GRIN1: variants seen among roughly 807,000 people sequenced by gnomAD.
GRIN1 encodes glutamate ionotropic receptor NMDA type subunit 1.
GRIN1 carries 38 observed loss-of-function variants against 103.0 expected under a neutral mutation model. That is an observed-to-expected ratio of 0.37 (90% CI 0.28 to 0.48). The LOEUF (loss-of-function observed/expected upper bound fraction) is 0.48. Ranked by LOEUF, GRIN1 falls within the 20% of genes least tolerant of loss-of-function variation. The pLI is 0.98. For missense variants in GRIN1, 577 were observed against 1,288.9 expected, an observed-to-expected ratio of 0.45 and a Z score of 8.46; for synonymous variants, 544 against 532.7, an observed-to-expected ratio of 1.02 and a Z score of -0.29.
chr9:137,160,492 C>T (rs1195789081), intron 8 of GRIN1, among the ~76,000 whole-genome samples: 2 of 151,978 alleles, frequency 1.3e-5, no homozygotes, highest in Non-Finnish European at 2.9e-5. Flanking sequence ...TGCAGTGGCG[C>T]GGTCTCCGCT....
Position 137,146,688 on chromosome 9 carries a change from C to T in GRIN1, c.570+786C>T, listed in dbSNP as rs1035468981. On this transcript the variant is annotated intron_variant, in intron 3 of 19. Coordinates refer to ENST00000371561, the MANE Select transcript of GRIN1 (RefSeq NM_007327.4). This position sits in a 1 kb window ranked among gnomAD's most constrained non-coding sequence, Gnocchi z 6.7. Reference sequence around the variant, plus strand: ...GAGCTGGTTCTCGGCTACAGACCCCCGGAGCCCTGGGTGCTCAGCACCTGG... The same window carrying T: ...GAGCTGGTTCTCGGCTACAGACCCCTGGAGCCCTGGGTGCTCAGCACCTGG... Among the ~76,000 whole-genome samples the T allele has an allele frequency of 3.9e-5, 6 of 152,162 alleles. No homozygotes were observed. Among genetic ancestry groups the T allele is most frequent in the East Asian group, 1.9e-4 (1 of 5,190 alleles).
chr9:137,164,159 C>T lies in GRIN1; in HGVS notation c.2589+255C>T, dbSNP rs1833730034. The T allele has an allele frequency of 9.1e-6, 5 of 550,266 alleles. No homozygotes were observed. In the Admixed American group the frequency reaches 1.2e-4, roughly 14 times the overall value. The allele number at this position is 550,266 out of a possible 1,614,324, so 34.1% of individuals were successfully genotyped here. On this transcript the variant is annotated intron_variant, in intron 18 of 19. Coordinates refer to ENST00000371561, the MANE Select transcript of GRIN1 (RefSeq NM_007327.4). Reference sequence around the variant, plus strand: ...CCCTGCTCCAAGCCTCCGCCTGGCCCCTCTGTCTCCAGAGTCGCCCGCCGG... The same window carrying T: ...CCCTGCTCCAAGCCTCCGCCTGGCCTCTCTGTCTCCAGAGTCGCCCGCCGG...
chr9:137,153,574 C>CATCTACGTGT (rs1360333639), intron 4 of GRIN1, among the ~76,000 whole-genome samples: 1 of 151,984 alleles, frequency 6.6e-6, no homozygotes, highest in African/African-American at 2.4e-5. Context: ...TACACACGTG[C>CATCTACGTGT]ATCTACACAT....
At chr9:137,160,907 G>T in intron 8 of GRIN1, 149 bp from the exon 9 acceptor site, 1 of 956,788 alleles carries the variant, frequency 1.0e-6, no homozygotes, top group Non-Finnish European at 1.6e-6. Flanking sequence ...CTCCAGAGAG[G>T]GGCAGTGGCC....
rs1349422878 is a variant in GRIN1, at chr9:137,156,705, G to A, written c.708G>A (p.Ala236=). The A allele has an allele frequency of 6.3e-7, 1 of 1,596,502 alleles. No individual in the cohort carries two copies. Residue 236 remains alanine, a synonymous_variant, in exon 5 of 20, where the codon GCG becomes GCA. Transcript: ENST00000371561. ...CTGCCACTGTATACCGCGCAGCCGC[G>A]ATGCTGAACATGACGGGCTCCGGGT... is the stretch of plus-strand genomic sequence containing the variant. The part of the protein sequence containing the change: ...DDAATVYRAA[A]MLNMTGSGYV...
intron 2 of GRIN1, among the ~76,000 whole-genome samples, chr9:137,142,787 G>A (rs1277378901): frequency 6.6e-6 from 1 of 152,212 alleles, no homozygotes. Flanking sequence ...GGAGAGCAAT[G>A]TCTGTGGTTG....
At chr9:137,166,358 G>C (rs1458049275) in intron 19 of GRIN1, among the ~76,000 whole-genome samples, 2 of 152,228 alleles carry the variant, frequency 1.3e-5, no homozygotes. Flanking sequence ...GCACCATGGT[G>C]GGGAGGGGCT....
chr9:137,144,808 A>G (rs1221781298), intron 2 of GRIN1, among the ~76,000 whole-genome samples: 5 of 5,226 alleles, frequency 9.6e-4, no homozygotes, highest in Non-Finnish European at 1.5e-3. Flanking sequence ...GGGGTGGGAG[A>G]CACGAGGGGG....
chr9:137,145,598 G>C lies in GRIN1; in HGVS notation c.394-128G>C, dbSNP rs561257279. The C allele has an allele frequency of 4.4e-6, 3 of 674,294 alleles. No individual in the cohort carries two copies. The South Asian group carries it at 5.2e-5, about 12-fold the overall frequency. 41.8% of individuals were successfully genotyped at this position (674,294 alleles called of 1,614,324 possible). A position where few individuals can be genotyped will look rare whatever the true frequency, so the allele number is the denominator to read the frequency against. ...CCCAGGGTCTAGAACGTGTCCCCAT[G>C]GGGGTGGGGACAGGGGTGGGAGGAG... is the stretch of plus-strand genomic sequence containing the variant. On this transcript the variant is annotated intron_variant, in intron 2 of 19. Coordinates refer to ENST00000371561, the MANE Select transcript of GRIN1 (RefSeq NM_007327.4).
chr9:137,145,538 GGGTGGTAGGGA>G (rs1832474153), intron 2 of GRIN1, among the ~76,000 whole-genome samples, 177 bp from the exon 3 acceptor site: 2 of 14,452 alleles, frequency 1.4e-4, no homozygotes, highest in East Asian at 8.8e-3. Context: ...AGTGTCCCCA[GGGTGGTAGGGA>G]CGGGGTGGGA....
Position 137,167,998 on chromosome 9 carries a change from G to GC in GRIN1, c.*475dup. 1.4e-6 allele frequency: 1 copy of GC among 729,542 alleles called. No individual in the cohort carries two copies. The highest frequency in any genetic ancestry group is 2.4e-6 in the Non-Finnish European group (1 of 421,282). 45.2% of individuals were successfully genotyped at this position (729,542 alleles called of 1,614,324 possible). On this transcript the variant is annotated 3_prime_UTR_variant, in exon 20 of 20. Coordinates refer to ENST00000371561, the MANE Select transcript of GRIN1 (RefSeq NM_007327.4). ...CGCCCACCCCGCTGCCTGGCGGGCA[G>GC]CCCCTGCTGGACCAAGGTGCGGACC...
intron 4 of GRIN1, among the ~76,000 whole-genome samples, chr9:137,155,921 G>A (rs1324438898): frequency 2.0e-5 from 3 of 152,216 alleles, no homozygotes; most frequent in African/African-American, 2.4e-5. Flanking sequence ...ACTCCAGGGG[G>A]AAAGCCGCCT....
intron 4 of GRIN1, among the ~76,000 whole-genome samples, chr9:137,155,608 G>C (rs1340171456): frequency 6.6e-6 from 1 of 152,232 alleles, no homozygotes; most frequent in African/African-American, 2.4e-5. Flanking sequence ...CAAAGTGTCA[G>C]GGGTAGTCCA....
rs1436985909 is a variant in GRIN1 at position 137,167,766 on chromosome 9, T to C, written c.*239T>C. On this transcript the variant is annotated 3_prime_UTR_variant, in exon 20 of 20. Coordinates refer to ENST00000371561, the MANE Select transcript of GRIN1 (RefSeq NM_007327.4). ...CGGGCGCCTTGTCTGTGTATTTCTATTTTGCAGCAGTACCATCCCACTGAT... is the reference window on the plus strand; with the variant it reads ...CGGGCGCCTTGTCTGTGTATTTCTACTTTGCAGCAGTACCATCCCACTGAT... 6.2e-7 allele frequency: 1 copy of C among 1,611,906 alleles called. No individual in the cohort carries two copies. The highest frequency in any genetic ancestry group is 8.5e-7 in the Non-Finnish European group (1 of 1,179,436).
chr9:137,163,799 C>A lies in GRIN1; in HGVS notation c.2484C>A (p.Ile828=), dbSNP rs1271487216. Residue 828 remains isoleucine (I), a synonymous_variant, in exon 18 of 20, where the codon ATC becomes ATA. Coordinates refer to ENST00000371561, the MANE Select transcript of GRIN1 (RefSeq NM_007327.4). ...MLVAGGIVAG[I]FLIFIEIAYK... is the part of the protein sequence containing the mutation. ...TAGCTGGGGGCATCGTGGCCGGGATCTTCCTGATTTTCATCGAGATTGCCT... is the reference window on the plus strand; with the variant it reads ...TAGCTGGGGGCATCGTGGCCGGGATATTCCTGATTTTCATCGAGATTGCCT... 1 of 1,613,612 alleles carries A rather than the reference C, an allele frequency of 6.2e-7. No homozygotes were observed. The highest frequency in any genetic ancestry group is 1.1e-5 in the South Asian group (1 of 91,080).
At chr9:137,149,890 G>A (rs554924158) in intron 4 of GRIN1, among the ~76,000 whole-genome samples, 1 of 152,300 alleles carries the variant, frequency 6.6e-6, no homozygotes, top group South Asian at 2.1e-4. Context: ...CCTGCATATG[G>A]GAAAGAGCCG....
Position 137,167,630 on chromosome 9 carries a change from G to C in GRIN1, c.*103G>C. The C allele has an allele frequency of 6.6e-7, 1 of 1,511,768 alleles. No individual in the cohort carries two copies. 93.6% of individuals were successfully genotyped at this position (1,511,768 alleles called of 1,614,324 possible). A position where few individuals can be genotyped will look rare whatever the true frequency, so the allele number is the denominator to read the frequency against. On this transcript the variant is annotated 3_prime_UTR_variant, in exon 20 of 20. Coordinates refer to ENST00000371561, the MANE Select transcript of GRIN1 (RefSeq NM_007327.4). The stretch of plus-strand genomic sequence containing the variant: ...CAGAGCCCCGGAGCACCACGGGGTC[G>C]GGGGAGGAGCACCCCCAGCCTCCCC...
At chr9:137,156,208 T>G (rs1369945720) in intron 4 of GRIN1, among the ~76,000 whole-genome samples, 1 of 152,164 alleles carries the variant, frequency 6.6e-6, no homozygotes, top group East Asian at 1.9e-4. Context: ...GGCCAGCAAG[T>G]GATCAATGGT....
rs779872478 is a variant in GRIN1, at chr9:137,139,500, G to A, written c.14G>A (p.Arg5His). The change falls in exon 1 of 20, where the codon CGC (arginine) becomes CAC (histidine). Residue 5 changes from arginine to histidine, a missense_variant. This residue lies in a region of GRIN1 where 308 missense variants were observed against 553.6 expected (regional missense o/e 0.56). Transcript: ENST00000371561. The surrounding 1 kb of genome is among the most constrained non-coding windows in gnomAD (Gnocchi z 7.7). Reference sequence around the variant, plus strand: ...CGGCCCGAGCCCATGAGCACCATGCGCCTGCTGACGCTCGCCCTGCTGTTC... The same window carrying A: ...CGGCCCGAGCCCATGAGCACCATGCACCTGCTGACGCTCGCCCTGCTGTTC... The part of the protein sequence containing the change: MSTM[R>H]LLTLALLFSC... 5.6e-6 allele frequency: 9 copies of A among 1,595,996 alleles called. No homozygotes were observed. Among genetic ancestry groups the A allele is most frequent in the Admixed American group, 3.4e-5 (2 of 59,426 alleles).
Sources: allele counts gnomAD v4.1 joint callset (sites outside exome capture counted in the v4.1 genomes callset), GRCh38; gene constraint gnomAD v4.1.1; regional missense constraint gnomAD v4.1.1; non-coding constraint Gnocchi (gnomAD v3.1); transcripts MANE v1.5; gene names NCBI Gene and HGNC (gene_info 2026-07-23, HGNC 2026-07-21).